Variants in MCEE observed in about 807,000 individuals in gnomAD.
MCEE encodes methylmalonyl-CoA epimerase.
A neutral mutation model predicts 12.9 loss-of-function variants in MCEE; 6 were observed. That is an observed-to-expected ratio of 0.47 (90% CI 0.26 to 0.92). The LOEUF (loss-of-function observed/expected upper bound fraction) is 0.92, where lower values mean the gene tolerates loss of function less well. Ranked by LOEUF, MCEE falls within the 40% of genes least tolerant of loss-of-function variation. MCEE has a pLI of 0.16. For synonymous variants in MCEE, 78 were observed against 77.9 expected (o/e 1.00, Z -0.01); for missense variants, 214 against 212.1 (o/e 1.01, Z -0.05).
intron 1 of MCEE, among the ~76,000 whole-genome samples, chr2:71,127,338 T>C (rs2103646940): frequency 6.6e-6 from 1 of 152,372 alleles, no homozygotes; most frequent in East Asian, 1.9e-4. Context: ...ATCACACTTT[T>C]TAGACACTGT....
At chr2:71,125,010 GCT>G (rs1322909898) in intron 1 of MCEE, among the ~76,000 whole-genome samples, 1 of 150,980 alleles carries the variant, frequency 6.6e-6, no homozygotes, top group East Asian at 1.9e-4. Flanking sequence ...ACTCTTTAAT[GCT>G]CTGTTGCCCA....
chr2:71,124,638 T>C, intron 1 of MCEE, 95 bp from the exon 2 acceptor site: 1 of 923,206 alleles, frequency 1.1e-6, no homozygotes. Flanking sequence ...CATGCAAAAA[T>C]TCATTATTTA....
In MCEE at chr2:71,110,073, C is replaced by CG. The variant is rs1672856632; in HGVS notation, c.427dup (p.Arg143ProfsTer5). The CG allele has an allele frequency of 6.2e-7, 1 of 1,613,018 alleles. No homozygotes were observed. Among genetic ancestry groups the CG allele is most frequent in the Non-Finnish European group, 8.5e-7 (1 of 1,179,300 alleles). The stretch of plus-strand genomic sequence containing the variant: ...TATTTTGACCTCTTCACTTAGACTG[C>CG]GGATCTTCTTTTTTTTCAAATCCAT... On this transcript the variant is annotated frameshift_variant, in exon 3 of 3. Coordinates refer to ENST00000244217, the MANE Select transcript of MCEE (RefSeq NM_032601.4). LOFTEE classifies it high-confidence loss of function.
intron 1 of MCEE, 111 bp downstream of exon 1, chr2:71,130,069 G>T (rs1572894740): frequency 1.8e-6 from 2 of 1,110,454 alleles, no homozygotes; most frequent in Non-Finnish European, 2.7e-6. Context: ...GCGCCCCCGG[G>T]GGAGGACATT....
At chr2:71,114,559 T>C (rs184848808) in intron 2 of MCEE, among the ~76,000 whole-genome samples, 41 of 152,366 alleles carry the variant, frequency 2.7e-4, no homozygotes, top group Admixed American at 2.0e-4. Context: ...CCACTGTTTA[T>C]AATGAGTGGA....
intron 1 of MCEE, among the ~76,000 whole-genome samples, chr2:71,127,760 G>A (rs1024725275): frequency 4.6e-5 from 7 of 152,170 alleles, no homozygotes; most frequent in Non-Finnish European, 7.3e-5. Context: ...CGGAGTAGCC[G>A]GGATTACAGG....
intron 2 of MCEE, among the ~76,000 whole-genome samples, chr2:71,114,719 C>A (rs1295046084): frequency 1.3e-5 from 2 of 152,064 alleles, no homozygotes; most frequent in Admixed American, 6.5e-5. Flanking sequence ...GATGATGTCA[C>A]CGTGGTTATT....
chr2:71,116,750 C>T (rs1673004755), intron 2 of MCEE: 1 of 149,510 alleles, frequency 6.7e-6, no homozygotes, highest in Non-Finnish European at 1.5e-5. Context: ...CCATGTTGGC[C>T]AAGCTGGTCT....
chr2:71,125,212 T>TATATATATATA (rs1553440375), intron 1 of MCEE, among the ~76,000 whole-genome samples: 8 of 33,616 alleles, frequency 2.4e-4, no homozygotes, highest in South Asian at 1.1e-3. Context: ...TATATATATA[T>TATATATATATA]TTTTTTTTTT....
At chr2:71,113,984 C>A (rs952610423) in intron 2 of MCEE, among the ~76,000 whole-genome samples, 13 of 151,996 alleles carry the variant, frequency 8.6e-5, no homozygotes, top group Admixed American at 7.2e-4. Context: ...AAAAATATCA[C>A]ACAAATCTCA....
At chr2:71,124,593 T>A in intron 1 of MCEE, 50 bp from the exon 2 acceptor site, 1 of 1,396,484 alleles carries the variant, frequency 7.2e-7, no homozygotes. Context: ...ATTAACGCAC[T>A]TCTAAATTGA....
chr2:71,128,593 G>A lies in MCEE; in HGVS notation c.40+1587C>T, dbSNP rs1437481112. Among the ~76,000 whole-genome samples, 4 of 151,352 alleles carry A rather than the reference G, an allele frequency of 2.6e-5. No homozygotes were observed. The East Asian group carries it at 5.9e-4, about 22-fold the overall frequency. ...TGCCCAGGCTGGAGTGCAGTGGCGCGATCTTGGCTCACGCCAACCTCCGCC... is the reference window on the plus strand; with the variant it reads ...TGCCCAGGCTGGAGTGCAGTGGCGCAATCTTGGCTCACGCCAACCTCCGCC... On this transcript the variant is annotated intron_variant, in intron 1 of 2. Coordinates refer to ENST00000244217, the MANE Select transcript of MCEE (RefSeq NM_032601.4).
chr2:71,111,109 C>T (rs554987139), intron 2 of MCEE, among the ~76,000 whole-genome samples: 168 of 152,278 alleles, frequency 1.1e-3, no homozygotes, highest in African/African-American at 3.9e-3. Context: ...CTAAATGTTA[C>T]ATAAATAAGC....
At chr2:71,111,580 G>C (rs1672886061) in intron 2 of MCEE, among the ~76,000 whole-genome samples, 1 of 151,964 alleles carries the variant, frequency 6.6e-6, no homozygotes. Context: ...CCTTTCAAGG[G>C]GTTCTATTCT....
chr2:71,129,495 A>G (rs1369780269), intron 1 of MCEE, among the ~76,000 whole-genome samples: 4 of 96,900 alleles, frequency 4.1e-5, no homozygotes, highest in African/African-American at 1.3e-4. Flanking sequence ...AAGGAGGAAG[A>G]GAAAAAAAAA....
Position 71,128,691 on chromosome 2 carries a change from G to A in MCEE, c.40+1489C>T, listed in dbSNP as rs562040887. 1.2e-4 allele frequency among the ~76,000 whole-genome samples: 18 copies of A among 151,732 alleles called. No homozygotes were observed. The East Asian group carries it at 3.2e-3, about 27-fold the overall frequency. On this transcript the variant is annotated intron_variant, in intron 1 of 2. Transcript: ENST00000244217. ...ATAACAGGCGTGTGCTACCACGCCC[G>A]GCTAATTTTTGTATTTTTAGTAGAG... is the stretch of plus-strand genomic sequence containing the variant.
rs554998564 is a variant in MCEE at position 71,117,629 on chromosome 2, T to C, written c.378+6577A>G. 30 of 150,510 alleles carry C rather than the reference T, an allele frequency of 2.0e-4. 1 individual carries two copies. The highest frequency in any genetic ancestry group is 6.8e-4 in the African/African-American group (27 of 39,860). The allele number at this position is 150,510 out of a possible 1,614,324, so 9.3% of individuals were successfully genotyped here. A position where few individuals can be genotyped will look rare whatever the true frequency, so the allele number is the denominator to read the frequency against. On this transcript the variant is annotated intron_variant, in intron 2 of 2. Coordinates refer to ENST00000244217, the MANE Select transcript of MCEE (RefSeq NM_032601.4). ...AGCACAAACAAGAAAATGAGTCATC[T>C]ATTGTCTAATCACTCAGAAAATAAA... is the stretch of plus-strand genomic sequence containing the variant.
At chr2:71,117,402 T>C (rs1673016267) in intron 2 of MCEE, 1 of 150,602 alleles carries the variant, frequency 6.6e-6, no homozygotes, top group African/African-American at 2.5e-5. Context: ...AAATATTTTT[T>C]TAATTCCCTA....
chr2:71,119,550 T>G (rs2103628879), intron 2 of MCEE, among the ~76,000 whole-genome samples: 1 of 150,566 alleles, frequency 6.6e-6, no homozygotes, highest in South Asian at 2.1e-4. Flanking sequence ...TTTATCCTTT[T>G]GTACTTTGTA....
Sources: gnomAD v4.1 joint callset for allele counts (sites outside exome capture counted in the v4.1 genomes callset) on GRCh38, gnomAD v4.1.1 for gene constraint, MANE v1.5 for transcripts, NCBI Gene and HGNC (gene_info 2026-07-23, HGNC 2026-07-21) for gene names.